Variants in ZC3H12B observed in about 807,000 individuals in gnomAD.
ZC3H12B encodes the protein probable ribonuclease ZC3H12B.
Under a neutral mutation model 43.9 loss-of-function variants are expected in ZC3H12B, and 7 were observed. The observed-to-expected ratio is 0.16, with a 90% CI of 0.09 to 0.30. The LOEUF (loss-of-function observed/expected upper bound fraction) is 0.30, where lower values mean the gene tolerates loss of function less well. Among genes scored for constraint, ZC3H12B ranks in the 10% least tolerant of loss-of-function variants. The pLI, the probability that ZC3H12B is intolerant of heterozygous loss-of-function variation, is 1.00. For synonymous variants in ZC3H12B, 222 were observed against 241.7 expected, an observed-to-expected ratio of 0.92 and a Z score of 0.76; for missense variants, 475 against 670.2, an observed-to-expected ratio of 0.71 and a Z score of 3.22.
chrX:65,265,542 G>T, the ZC3H12B span, among the ~76,000 whole-genome samples: 1 of 111,898 alleles, frequency 8.9e-6, no homozygotes, highest in Admixed American at 9.5e-5. Flanking sequence ...ATGAGAAAGG[G>T]AAAGGCTTAT....
At chrX:65,066,111 G>C in the ZC3H12B span, among the ~76,000 whole-genome samples, 1 of 109,545 alleles carries the variant, frequency 9.1e-6, no homozygotes, top group Non-Finnish European at 1.9e-5. Context: ...GGAGGAGTTT[G>C]TTATTACCCA....
intron 3 of ZC3H12B, among the ~76,000 whole-genome samples, chrX:65,468,366 G>C: frequency 9.0e-6 from 1 of 111,468 alleles, no homozygotes; most frequent in East Asian, 2.8e-4. Context: ...GCCTTGTAGA[G>C]TAATTTGAAG....
chrX:65,159,335 T>C, the ZC3H12B span, among the ~76,000 whole-genome samples: 1 of 111,966 alleles, frequency 8.9e-6, no homozygotes, highest in African/African-American at 3.2e-5. Context: ...GGGGATGTCA[T>C]TGAATCTATA....
At chrX:65,168,106 C>G in the ZC3H12B span, among the ~76,000 whole-genome samples, 2 of 111,824 alleles carry the variant, frequency 1.8e-5, no homozygotes, top group East Asian at 5.6e-4. Context: ...ACATCCCTGT[C>G]TTGTGCCACT....
chrX:65,168,493 TTC>T, the ZC3H12B span, among the ~76,000 whole-genome samples: 1 of 110,945 alleles, frequency 9.0e-6, no homozygotes, highest in African/African-American at 3.3e-5. Context: ...TGGTCTAAAA[TTC>T]TCTTTTTTTT....
chrX:65,407,976 C>G, intron 3 of ZC3H12B: 1 of 982,468 alleles, frequency 1.0e-6, no homozygotes, highest in Non-Finnish European at 1.4e-6. Flanking sequence ...CCTCGCTCCC[C>G]GCTTCTGCCT....
intron 3 of ZC3H12B, among the ~76,000 whole-genome samples, chrX:65,443,119 A>G (rs966959371): frequency 6.3e-5 from 7 of 111,711 alleles, no homozygotes; most frequent in African/African-American, 1.3e-4. Context: ...TTACTTCGCT[A>G]TAATCGTTCC....
At chrX:65,388,986 G>A (rs970577881) in intron 2 of ZC3H12B, among the ~76,000 whole-genome samples, 3 of 111,839 alleles carry the variant, frequency 2.7e-5, no homozygotes, top group Admixed American at 9.5e-5. Context: ...CTGCCTGATC[G>A]TTCCTCTGGA....
chrX:65,319,144 G>C, the ZC3H12B span, among the ~76,000 whole-genome samples: 1 of 110,559 alleles, frequency 9.0e-6, no homozygotes, highest in Admixed American at 9.7e-5. Flanking sequence ...TGCTGGAGTA[G>C]GTTCTTTGAA....
chrX:65,158,697 G>A, the ZC3H12B span, among the ~76,000 whole-genome samples: 4 of 111,312 alleles, frequency 3.6e-5, no homozygotes, highest in African/African-American at 6.5e-5. Context: ...AGTAGGTTAC[G>A]AAAATTTTCT....
At chrX:65,296,527 A>G in the ZC3H12B span, among the ~76,000 whole-genome samples, 1 of 111,024 alleles carries the variant, frequency 9.0e-6, no homozygotes, top group Non-Finnish European at 1.9e-5. Context: ...AATCAGACAC[A>G]CACACAGTCC....
At chrX:65,059,847 C>T in the ZC3H12B span, among the ~76,000 whole-genome samples, 1 of 111,757 alleles carries the variant, frequency 8.9e-6, no homozygotes, top group African/African-American at 3.2e-5. Flanking sequence ...TTCTTCTGAT[C>T]TATAAGTATG....
the ZC3H12B span, among the ~76,000 whole-genome samples, chrX:65,212,263 T>TTATATAATATATAATATATAA: frequency 8.6e-5 from 4 of 46,379 alleles, no homozygotes; most frequent in African/African-American, 5.0e-4. Flanking sequence ...ATATAATATA[T>TTATATAATATATAATATATAA]TATATAATAT....
rs1431623740 is a variant in ZC3H12B, at chrX:65,502,240, G to C, written c.1542G>C (p.Gln514His). 4 of 1,211,484 alleles carry C rather than the reference G, an allele frequency of 3.3e-6. 1 individual carries two copies. The South Asian group carries it at 7.0e-5, about 21-fold the overall frequency. The change falls in exon 5 of 5, where the codon CAG becomes CAC. Residue 514 changes from glutamine (Q) to histidine (H), a missense_variant. Gln to His is a conservative substitution (Grantham distance 24, BLOSUM62 0). Around this residue, in one of 3 missense-constraint regions of ZC3H12B, gnomAD observed 289 missense variants for 359.9 expected, o/e 0.80. Transcript: ENST00000338957. ...CTTTGGAGCATATGGCCAGCATGCA[G>C]TATCCTCCCATCTTGGTTACCAACA...
At chrX:65,190,150 G>T in the ZC3H12B span, among the ~76,000 whole-genome samples, 125 of 110,439 alleles carry the variant, frequency 1.1e-3, 1 homozygote, top group Middle Eastern at 4.7e-3. Context: ...CTGTTCCATT[G>T]ATCTATATCT....
intron 3 of ZC3H12B, chrX:65,408,407 G>A (rs760411392): frequency 2.5e-6 from 3 of 1,206,158 alleles, no homozygotes; most frequent in Non-Finnish European, 3.4e-6. Context: ...CCAGGCTGTC[G>A]AACGTGCCAA....
intron 3 of ZC3H12B, among the ~76,000 whole-genome samples, chrX:65,465,798 T>C (rs969098785): frequency 9.0e-6 from 1 of 110,913 alleles, no homozygotes; most frequent in Admixed American, 9.7e-5. Context: ...CTGCAGGTTA[T>C]ATTAACATCT....
At chrX:65,326,466 G>C in the ZC3H12B span, among the ~76,000 whole-genome samples, 1 of 110,787 alleles carries the variant, frequency 9.0e-6, no homozygotes, top group East Asian at 2.8e-4. Context: ...TGGAACTCAT[G>C]AAGATAGAGA....
chrX:65,288,748 A>T, the ZC3H12B span, among the ~76,000 whole-genome samples: 7 of 111,869 alleles, frequency 6.3e-5, no homozygotes, highest in Non-Finnish European at 1.1e-4. Context: ...TAGCTAGAGC[A>T]ATCAGGCAAG....
Sources: allele counts gnomAD v4.1 joint callset (sites outside exome capture counted in the v4.1 genomes callset), GRCh38; gene constraint gnomAD v4.1.1; regional missense constraint gnomAD v4.1.1; transcripts MANE v1.5; gene names NCBI Gene and HGNC (gene_info 2026-07-23, HGNC 2026-07-21).